GSE1: variants seen among roughly 807,000 people sequenced by gnomAD.
GSE1 encodes the protein genetic suppressor element 1.
GSE1 carries 32 observed loss-of-function variants against 112.6 expected under a neutral mutation model. The observed-to-expected ratio is 0.28, with a 90% confidence interval of 0.21 to 0.38. The LOEUF is 0.38. Among genes scored for constraint, GSE1 ranks in the 10% least tolerant of loss-of-function variants. The probability of loss-of-function intolerance (pLI) is 1.00; values close to 1 mark genes in which losing one functional copy is unlikely to be tolerated. For missense variants in GSE1, 2,348 were observed against 1,699.2 expected (o/e 1.38, Z -6.71); for synonymous variants, 1,115 against 735.6 (o/e 1.52, Z -8.35).
At chr16:85,302,894 A>G (rs527369093) in intron 1 of GSE1, among the ~76,000 whole-genome samples, 3 of 152,210 alleles carry the variant, frequency 2.0e-5, no homozygotes, top group South Asian at 2.1e-4. Context: ...TTCTCCTTCA[A>G]TCGGGTCCAA....
At chr16:85,468,479 G>A (rs528278920) in intron 2 of GSE1, among the ~76,000 whole-genome samples, 15 of 152,114 alleles carry the variant, frequency 9.9e-5, no homozygotes, top group African/African-American at 2.9e-4. Context: ...ACCATGCCCA[G>A]CTAGTTTTTG....
chr16:85,575,020 G>T (rs2046166216), intron 1 of GSE1, among the ~76,000 whole-genome samples: 1 of 152,204 alleles, frequency 6.6e-6, no homozygotes, highest in Non-Finnish European at 1.5e-5. Flanking sequence ...TAATCCCCTC[G>T]CTGGGGAGCG....
chr16:85,413,686 G>T lies in GSE1; in HGVS notation c.2464+56043G>T, dbSNP rs541200035. The stretch of plus-strand genomic sequence containing the variant: ...CCCCCAAACAGCAATTCAAAAAGGG[G>T]GTGAGGAATTTAACATAGAGAATCC... On this transcript the variant is annotated intron_variant, in intron 2 of 2. Transcript: ENST00000637419. Among the ~76,000 whole-genome samples the T allele has an allele frequency of 3.9e-5, 6 of 152,132 alleles. No individual in the cohort carries two copies. The East Asian group carries it at 5.8e-4, about 15-fold the overall frequency.
intron 2 of GSE1, among the ~76,000 whole-genome samples, chr16:85,360,850 G>GAC (rs146276920): frequency 3.9e-4 from 59 of 150,920 alleles, no homozygotes; most frequent in Middle Eastern, 3.4e-3. Flanking sequence ...AGAAACCCGT[G>GAC]ACACACACAC....
intron 1 of GSE1, among the ~76,000 whole-genome samples, chr16:85,174,890 T>C (rs1485166685): frequency 6.6e-6 from 1 of 152,088 alleles, no homozygotes; most frequent in Non-Finnish European, 1.5e-5. Flanking sequence ...GCCCCCAAGA[T>C]CTTGATCCTC....
At chr16:85,277,004 G>C (rs1351085685) in intron 1 of GSE1, among the ~76,000 whole-genome samples, 3 of 152,186 alleles carry the variant, frequency 2.0e-5, no homozygotes, top group Non-Finnish European at 4.4e-5. Context: ...GGGACCCTGA[G>C]GGTTTCAGGT....
intron 2 of GSE1, among the ~76,000 whole-genome samples, chr16:85,538,815 C>T (rs1229745104): frequency 6.6e-6 from 1 of 152,168 alleles, no homozygotes; most frequent in African/African-American, 2.4e-5. Context: ...GTTTCCTTTC[C>T]TGCTTTAACC....
chr16:85,375,741 C>G (rs1044067578), intron 2 of GSE1, among the ~76,000 whole-genome samples: 23 of 109,390 alleles, frequency 2.1e-4, no homozygotes, highest in African/African-American at 5.9e-4. Context: ...CACAGGCCTG[C>G]CTGTCTCTCC....
At chr16:85,438,907 G>C (rs2049312058) in intron 2 of GSE1, among the ~76,000 whole-genome samples, 1 of 152,204 alleles carries the variant, frequency 6.6e-6, no homozygotes, top group South Asian at 2.1e-4. Context: ...GCAGTCCTAG[G>C]GTAGGGATCC....
intron 2 of GSE1, among the ~76,000 whole-genome samples, chr16:85,358,556 A>T (rs987481411): frequency 6.6e-6 from 1 of 151,748 alleles, no homozygotes; most frequent in African/African-American, 2.4e-5. Context: ...CGGGGAGGAG[A>T]TGGACAGACA....
intron 1 of GSE1, among the ~76,000 whole-genome samples, chr16:85,251,119 G>C (rs1906427189): frequency 6.6e-6 from 1 of 152,216 alleles, no homozygotes; most frequent in Non-Finnish European, 1.5e-5. Context: ...CCGGCTGTGA[G>C]CATGCCTGTG....
Position 85,373,503 on chromosome 16 carries a change from G to A in GSE1, c.2464+15860G>A, listed in dbSNP as rs147124431. ...CCTGTCTCCCCATTTGTGAAGTAGG[G>A]ATGCTGTGGCAGCTGCCTCCCGGGG... On this transcript the variant is annotated intron_variant, in intron 2 of 2. Transcript: ENST00000637419. This position sits in a 1 kb window ranked among gnomAD's most constrained non-coding sequence, Gnocchi z 5.1. Among the ~76,000 whole-genome samples the A allele has an allele frequency of 2.2e-4, 33 of 152,270 alleles. No individual in the cohort carries two copies. In the East Asian group the frequency reaches 6.0e-3, roughly 28 times the overall value.
chr16:85,480,301 C>T (rs2151868974), intron 2 of GSE1, among the ~76,000 whole-genome samples: 1 of 152,342 alleles, frequency 6.6e-6, no homozygotes, highest in South Asian at 2.1e-4. Context: ...TTCCAGGGCC[C>T]CATTGGGTGA....
At position 85,613,350 on chromosome 16, in the gene GSE1, C is replaced by T. The variant is rs915638593; in HGVS notation, c.-42C>T. The stretch of plus-strand genomic sequence containing the variant: ...TTAGACAAACACTGGGCGACGGTGG[C>T]TCCAGCATGTATCAGCCGAGGTGGA... On this transcript the variant is annotated 5_prime_UTR_variant, in exon 1 of 16. Transcript: ENST00000253458. 1 of 1,566,200 alleles carries T rather than the reference C, an allele frequency of 6.4e-7. No homozygotes were observed. The highest frequency in any genetic ancestry group is 1.4e-5 in the African/African-American group (1 of 73,328).
intron 1 of GSE1, among the ~76,000 whole-genome samples, chr16:85,308,344 G>C (rs1218671752): frequency 2.6e-5 from 4 of 152,184 alleles, no homozygotes; most frequent in Non-Finnish European, 5.9e-5. Flanking sequence ...TTTTGGGACA[G>C]CCAGGGCAGA....
At chr16:85,353,528 C>G (rs1032332160) in intron 1 of GSE1, among the ~76,000 whole-genome samples, 2 of 152,088 alleles carry the variant, frequency 1.3e-5, no homozygotes, top group African/African-American at 4.8e-5. Context: ...CAGGAGAGTT[C>G]AACTTTAAAA....
intron 2 of GSE1, among the ~76,000 whole-genome samples, chr16:85,361,657 A>T (rs2047084728): frequency 6.6e-6 from 1 of 152,190 alleles, no homozygotes; most frequent in African/African-American, 2.4e-5. Flanking sequence ...ACTTCCCTGG[A>T]AATGCCTCGT....
intron 2 of GSE1, among the ~76,000 whole-genome samples, chr16:85,401,103 C>T (rs1025633301): frequency 5.9e-5 from 9 of 152,226 alleles, no homozygotes; most frequent in Middle Eastern, 3.4e-3. Context: ...TGCTGGGGTC[C>T]GCAGCTTGGG....
intron 2 of GSE1, among the ~76,000 whole-genome samples, chr16:85,505,183 G>A (rs2051498143): frequency 6.6e-6 from 1 of 152,172 alleles, no homozygotes. Flanking sequence ...TGGTGCTGTG[G>A]GTGGGAGGTG....
Sources: gnomAD v4.1 joint callset for allele counts (sites outside exome capture counted in the v4.1 genomes callset) on GRCh38, gnomAD v4.1.1 for gene constraint, Gnocchi (gnomAD v3.1) non-coding constraint, MANE v1.5 for transcripts, NCBI Gene and HGNC (gene_info 2026-07-23, HGNC 2026-07-21) for gene names.